Variants in CELF2 observed in about 807,000 individuals in gnomAD.
CELF2 encodes CUGBP Elav-like family member 2.
A neutral mutation model predicts 62.6 loss-of-function variants in CELF2; 8 were observed. The ratio of observed to expected loss-of-function variants is 0.13; its 90% CI spans 0.07 to 0.23. The LOEUF (loss-of-function observed/expected upper bound fraction) is 0.23. Ranked by LOEUF, CELF2 falls within the 10% of genes least tolerant of loss-of-function variation. The probability of loss-of-function intolerance (pLI) is 1.00; values close to 1 mark genes in which losing one functional copy is unlikely to be tolerated. For synonymous variants in CELF2, 258 were observed against 250.0 expected (o/e 1.03, Z -0.30); for missense variants, 333 against 671.0 (o/e 0.50, Z 5.56).
At chr10:11,114,708 T>C (rs974148606) in intron 1 of CELF2, among the ~76,000 whole-genome samples, 3 of 152,206 alleles carry the variant, frequency 2.0e-5, no homozygotes, top group African/African-American at 7.2e-5. Flanking sequence ...TTAGTTCTTT[T>C]GACTTGAGAA....
intron 3 of CELF2, among the ~76,000 whole-genome samples, chr10:11,226,608 ACACACACACACACACACACACAC>A (rs2066675478): frequency 6.8e-6 from 1 of 147,442 alleles, no homozygotes; most frequent in African/African-American, 2.6e-5. Context: ...GGCCACACAC[ACACACACACACACACACACACAC>A]ACACACACAC....
intron 2 of CELF2, among the ~76,000 whole-genome samples, chr10:11,199,385 C>T (rs2058713476): frequency 6.6e-6 from 1 of 152,120 alleles, no homozygotes; most frequent in South Asian, 2.1e-4. Context: ...TCTGTTGTTC[C>T]TTGAGCCCGG....
At chr10:10,553,096 T>A in the CELF2 span, among the ~76,000 whole-genome samples, 1 of 152,186 alleles carries the variant, frequency 6.6e-6, no homozygotes, top group African/African-American at 2.4e-5. Context: ...TTTAATTGAC[T>A]CACCGTTCTG....
rs565657666 is a variant in CELF2 at position 11,275,335 on chromosome 10, A to G, written c.841+215A>G. Among the ~76,000 whole-genome samples the G allele has an allele frequency of 4.6e-5, 7 of 152,204 alleles. No homozygotes were observed. In the South Asian group the frequency reaches 1.0e-3, roughly 23 times the overall value. On this transcript the variant is annotated intron_variant, in intron 8 of 12. Coordinates refer to ENST00000633077, the MANE Select transcript of CELF2 (RefSeq NM_001326342.2). ...CCCACCTTCGCTGTGCATGACCGCT[A>G]TAGAATGAAGGGGCTGAGAAATCCT...
chr10:10,637,291 C>T, the CELF2 span, among the ~76,000 whole-genome samples: 1 of 152,132 alleles, frequency 6.6e-6, no homozygotes, highest in African/African-American at 2.4e-5. Flanking sequence ...CTCCCAGGAA[C>T]AGAGACATTC....
At chr10:10,728,141 G>A in the CELF2 span, among the ~76,000 whole-genome samples, 1 of 151,402 alleles carries the variant, frequency 6.6e-6, no homozygotes, top group East Asian at 2.0e-4. Context: ...TAAGTATGGA[G>A]TAGAGAAAAA....
At chr10:10,483,888 C>CATCTCTCTCTCATCTCTCT in the CELF2 span, among the ~76,000 whole-genome samples, 76 of 151,206 alleles carry the variant, frequency 5.0e-4, no homozygotes, top group African/African-American at 1.7e-3. Context: ...CTCTCTCTCT[C>CATCTCTCTCTCATCTCTCT]GTCTCTCTCT....
At chr10:11,222,682 C>A (rs898319540) in intron 3 of CELF2, among the ~76,000 whole-genome samples, 1 of 152,314 alleles carries the variant, frequency 6.6e-6, no homozygotes, top group South Asian at 2.1e-4. Flanking sequence ...TGCCACTATG[C>A]TTACACGTGG....
At chr10:10,673,997 G>C in the CELF2 span, among the ~76,000 whole-genome samples, 1 of 152,156 alleles carries the variant, frequency 6.6e-6, no homozygotes, top group African/African-American at 2.4e-5. Context: ...TGTGTATTCT[G>C]CTGCTCTTGG....
At chr10:10,510,730 A>T in the CELF2 span, among the ~76,000 whole-genome samples, 1 of 152,352 alleles carries the variant, frequency 6.6e-6, no homozygotes, top group South Asian at 2.1e-4. Context: ...AGTGTCAGGA[A>T]GAAAATAACT....
At chr10:11,272,398 G>A (rs1377155116) in intron 7 of CELF2, among the ~76,000 whole-genome samples, 1 of 152,196 alleles carries the variant, frequency 6.6e-6, no homozygotes, top group Non-Finnish European at 1.5e-5. Flanking sequence ...CAGTCGATTG[G>A]TTTAATTCTG....
intron 1 of CELF2, among the ~76,000 whole-genome samples, chr10:11,148,867 C>G (rs2062764182): frequency 7.0e-6 from 1 of 143,220 alleles, no homozygotes; most frequent in Non-Finnish European, 1.5e-5. Context: ...CACACACACA[C>G]ACACACAAAG....
intron 1 of CELF2, among the ~76,000 whole-genome samples, chr10:10,888,554 G>A (rs531085430): frequency 5.9e-4 from 90 of 152,212 alleles, no homozygotes; most frequent in Non-Finnish European, 1.1e-3. Context: ...TGTGGGTAAC[G>A]AAAAAACCAA....
chr10:10,681,251 A>C, the CELF2 span, among the ~76,000 whole-genome samples: 1 of 152,166 alleles, frequency 6.6e-6, no homozygotes. Context: ...CCCCAGGACA[A>C]AATACAGTTC....
intron 9 of CELF2, among the ~76,000 whole-genome samples, chr10:11,304,525 G>C (rs1288961405): frequency 6.6e-6 from 1 of 152,174 alleles, no homozygotes; most frequent in Non-Finnish European, 1.5e-5. Flanking sequence ...TTGCTGGTGG[G>C]GACTCTGCAG....
chr10:10,583,329 T>C, the CELF2 span, among the ~76,000 whole-genome samples: 1 of 152,172 alleles, frequency 6.6e-6, no homozygotes, highest in African/African-American at 2.4e-5. Context: ...ATTTTCTAGT[T>C]ACTCATGATT....
chr10:10,859,374 T>A (rs982122413), intron 1 of CELF2, among the ~76,000 whole-genome samples: 3 of 152,152 alleles, frequency 2.0e-5, no homozygotes, highest in Admixed American at 2.0e-4. Context: ...AGAGGCTAAA[T>A]GAAGTGAGTC....
intron 1 of CELF2, among the ~76,000 whole-genome samples, chr10:10,908,981 G>A (rs2063578397): frequency 6.6e-6 from 1 of 152,114 alleles, no homozygotes; most frequent in Admixed American, 6.5e-5. Context: ...TAGAGACAGG[G>A]TTTTGCCATG....
At chr10:11,031,457 C>G (rs998920255) in intron 1 of CELF2, among the ~76,000 whole-genome samples, 2 of 152,140 alleles carry the variant, frequency 1.3e-5, no homozygotes, top group Non-Finnish European at 2.9e-5. Flanking sequence ...AAATTTCTGT[C>G]TACTTCTAGA....
Sources: gnomAD v4.1 joint callset for allele counts (sites outside exome capture counted in the v4.1 genomes callset) on GRCh38, gnomAD v4.1.1 for gene constraint, MANE v1.5 for transcripts, NCBI Gene and HGNC (gene_info 2026-07-23, HGNC 2026-07-21) for gene names.